Variants in MESD observed in about 807,000 individuals in gnomAD.
MESD encodes LRP chaperone MESD.
In MESD, 7 loss-of-function variants were observed where a neutral mutation model predicts 12.9. The ratio of observed to expected loss-of-function variants is 0.54; its 90% CI spans 0.31 to 1.02. The LOEUF (loss-of-function observed/expected upper bound fraction) is 1.02. Among genes scored for constraint, MESD ranks in the 50% least tolerant of loss-of-function variants. MESD has a pLI of 0.05. For missense variants in MESD, 342 were observed against 296.7 expected (o/e 1.15, Z -1.12); for synonymous variants, 126 against 115.6 (o/e 1.09, Z -0.58).
At chr15:80,975,520 C>G (rs1902387412), downstream of MESD, among the ~76,000 whole-genome samples, 1 of 151,964 alleles carries the variant, frequency 6.6e-6, no homozygotes, top group Non-Finnish European at 1.5e-5. Context: ...TGTATCTTGT[C>G]AGTATACAAA....
intron 4 of MESD, chr15:80,950,455 C>G (rs1320211982): frequency 6.6e-6 from 1 of 152,280 alleles, no homozygotes; most frequent in Non-Finnish European, 1.5e-5. Context: ...CTCCTGCTCC[C>G]AGCGCACACA....
At chr15:80,983,660 G>C (rs1902646806) in intron 1 of MESD, among the ~76,000 whole-genome samples, 1 of 152,102 alleles carries the variant, frequency 6.6e-6, no homozygotes, top group Non-Finnish European at 1.5e-5. Flanking sequence ...TAGCAAGAGA[G>C]ACAGAAGATG....
chr15:80,946,914 T>C, downstream of MESD: 2 of 1,300,146 alleles, frequency 1.5e-6, no homozygotes, highest in Non-Finnish European at 2.2e-6. Flanking sequence ...CCATGCCCAC[T>C]TTCTCCAGTT....
downstream of MESD, among the ~76,000 whole-genome samples, chr15:80,971,093 A>G (rs982414599): frequency 2.6e-5 from 4 of 152,216 alleles, no homozygotes; most frequent in African/African-American, 9.7e-5. Context: ...AAGGGCTTCA[A>G]GGAGCCTCAC....
chr15:80,965,342 T>C (rs141168705), intron 3 of MESD, among the ~76,000 whole-genome samples: 8,928 of 152,306 alleles, frequency 0.059, 336 homozygotes, highest in Middle Eastern at 0.18. Flanking sequence ...GGAACACTTT[T>C]ACACTGTTGG....
At chr15:80,973,651 G>C (rs1340901251), downstream of MESD, among the ~76,000 whole-genome samples, 1 of 152,176 alleles carries the variant, frequency 6.6e-6, no homozygotes, top group African/African-American at 2.4e-5. Context: ...GGAGAAGGTG[G>C]TGAATCTGCC....
At chr15:80,950,747 A>T (rs555298709) in intron 4 of MESD, 1 of 152,832 alleles carries the variant, frequency 6.5e-6, no homozygotes, top group East Asian at 1.9e-4. Flanking sequence ...CACCTTATAG[A>T]GAGCCCAAAG....
At chr15:80,980,566 T>C (rs954917678) in intron 2 of MESD, among the ~76,000 whole-genome samples, 1 of 152,088 alleles carries the variant, frequency 6.6e-6, no homozygotes, top group African/African-American at 2.4e-5. Context: ...AACTAAGCTA[T>C]ACACCCTTCT....
chr15:80,954,625 T>C (rs1277031349), intron 3 of MESD, among the ~76,000 whole-genome samples: 4 of 152,008 alleles, frequency 2.6e-5, no homozygotes, highest in Admixed American at 2.6e-4. Context: ...GGGGAGGGGA[T>C]GGAGGAAGGG....
intron 3 of MESD, among the ~76,000 whole-genome samples, chr15:80,958,103 C>T (rs1197782870): frequency 6.6e-6 from 1 of 152,052 alleles, no homozygotes; most frequent in Non-Finnish European, 1.5e-5. Flanking sequence ...TTATTTATAG[C>T]GGAATTTTGC....
At chr15:80,968,383 G>C (rs1487460538) in intron 3 of MESD, among the ~76,000 whole-genome samples, 1 of 152,226 alleles carries the variant, frequency 6.6e-6, no homozygotes, top group Non-Finnish European at 1.5e-5. Flanking sequence ...GCCTCCAGAA[G>C]AAAACAGCCC....
chr15:80,952,926 C>T (rs527478883), intron 3 of MESD: 37 of 455,432 alleles, frequency 8.1e-5, no homozygotes, highest in African/African-American at 7.0e-4. Context: ...CCATGGAGAA[C>T]ATGAAATTAC....
chr15:80,960,175 G>A (rs1010894665), intron 3 of MESD, among the ~76,000 whole-genome samples: 3 of 152,026 alleles, frequency 2.0e-5, no homozygotes, highest in African/African-American at 7.2e-5. Flanking sequence ...GCCAGCCAGG[G>A]CAACATGGAA....
At chr15:80,950,159 C>A (rs1003432952) in intron 4 of MESD, 1 of 152,256 alleles carries the variant, frequency 6.6e-6, no homozygotes, top group South Asian at 2.1e-4. Flanking sequence ...TAGATGTGCT[C>A]GTACTCCCTC....
chr15:80,946,618 A>T (rs1901565279), downstream of MESD: 1 of 298,038 alleles, frequency 3.4e-6, no homozygotes, highest in African/African-American at 2.1e-5. Flanking sequence ...AGAGATACAT[A>T]TCGAAGTCCT....
chr15:80,948,908 A>T, intron 4 of MESD: 7 of 1,559,644 alleles, frequency 4.5e-6, no homozygotes, highest in Non-Finnish European at 5.3e-6. Context: ...CCTGTGGTGA[A>T]GAAGAAGAAG....
At chr15:80,971,397 T>C (rs558511021), downstream of MESD, among the ~76,000 whole-genome samples, 34 of 152,284 alleles carry the variant, frequency 2.2e-4, 1 homozygote, top group South Asian at 6.6e-3. Flanking sequence ...CTCTGAGCCA[T>C]CTTCTCAGCT....
At chr15:80,961,536 C>T (rs968647967) in intron 3 of MESD, among the ~76,000 whole-genome samples, 1 of 152,162 alleles carries the variant, frequency 6.6e-6, no homozygotes, top group Admixed American at 6.5e-5. Context: ...TGCAAATTTT[C>T]TGTAAAGCAA....
In MESD at chr15:80,979,492, T is replaced by G. The variant is rs779522676; in HGVS notation, c.447-15A>C. 2 of 1,611,016 alleles carry G rather than the reference T, an allele frequency of 1.2e-6. No homozygotes were observed. ...CCACAATGAACCTTGGGCAGAGAGA[T>G]GCAATCAGTCAGCCAGCACGTACTA... On this transcript the variant is annotated splice_polypyrimidine_tract_variant and intron_variant, in intron 2 of 2. Transcript: ENST00000261758.
Sources: allele counts gnomAD v4.1 joint callset (sites outside exome capture counted in the v4.1 genomes callset), GRCh38; gene constraint gnomAD v4.1.1; transcripts MANE v1.5; gene names NCBI Gene and HGNC (gene_info 2026-07-23, HGNC 2026-07-21).